Variants in CSPG4 observed in about 807,000 individuals in gnomAD.
CSPG4 encodes chondroitin sulfate proteoglycan 4 (melanoma-associated).
A neutral mutation model predicts 139.3 loss-of-function variants in CSPG4; 74 were observed. The observed-to-expected ratio is 0.53, with a 90% CI of 0.44 to 0.64. The LOEUF (loss-of-function observed/expected upper bound fraction) is 0.64. Among genes scored for constraint, CSPG4 ranks in the 30% least tolerant of loss-of-function variants. The probability of loss-of-function intolerance (pLI) is 0.00; values close to 1 mark genes in which losing one functional copy is unlikely to be tolerated. For synonymous variants in CSPG4, 1,234 were observed against 1,394.2 expected (o/e 0.89, Z 2.56); for missense variants, 2,565 against 3,148.3 (o/e 0.81, Z 4.43).
At chr15:75,693,844 C>T (rs1445006367) in intron 1 of CSPG4, among the ~76,000 whole-genome samples, 3 of 152,262 alleles carry the variant, frequency 2.0e-5, no homozygotes, top group Admixed American at 6.5e-5. Flanking sequence ...GCTTCTCTCT[C>T]AGGCCATTCT....
At chr15:75,707,150 T>C (rs1894384921) in intron 1 of CSPG4, among the ~76,000 whole-genome samples, 1 of 151,936 alleles carries the variant, frequency 6.6e-6, no homozygotes, top group Non-Finnish European at 1.5e-5. Flanking sequence ...AGAGACAGGG[T>C]TTCACCATGT....
rs1352436637 is a variant in CSPG4, at chr15:75,685,305, G to T, written c.4186C>A (p.Gln1396Lys). The change falls in exon 4 of 10, where the codon CAG becomes AAG. Residue 1396 changes from glutamine to lysine, a missense_variant. This residue lies in a region of CSPG4 where 2,316 missense variants were observed against 2,818.2 expected (regional missense o/e 0.82). Coordinates refer to ENST00000308508, the MANE Select transcript of CSPG4 (RefSeq NM_001897.5). Reference protein sequence around the residue: ...YFPTLLGLSLQVLEPPQHGAL... With the variant: ...YFPTLLGLSLKVLEPPQHGAL... The stretch of plus-strand genomic sequence containing the variant: ...CCATGCTGGGGTGGCTCCAGCACCT[G>T]CAGGCTGAGGCCCAGGAGAGTGGGG... 11 of 1,591,828 alleles carry T rather than the reference G, an allele frequency of 6.9e-6. No homozygotes were observed. The highest frequency in any genetic ancestry group is 8.6e-6 in the Non-Finnish European group (10 of 1,166,934).
intron 1 of CSPG4, among the ~76,000 whole-genome samples, chr15:75,705,714 G>T (rs939108213): frequency 1.3e-4 from 20 of 152,316 alleles, no homozygotes; most frequent in Admixed American, 2.6e-4. Context: ...GGACTCAGAG[G>T]AGGGAGAGAT....
chr15:75,694,782 C>T (rs371669227), intron 1 of CSPG4, among the ~76,000 whole-genome samples: 36 of 152,366 alleles, frequency 2.4e-4, no homozygotes, highest in African/African-American at 7.9e-4. Flanking sequence ...ACCATCTGCG[C>T]GGGGGCGGCC....
rs1375131366 is a variant in CSPG4, at chr15:75,676,247, T to C, written c.6272A>G (p.His2091Arg). The C allele has an allele frequency of 1.3e-6, 2 of 1,559,818 alleles. No homozygotes were observed. The highest frequency in any genetic ancestry group is 4.7e-5 in the East Asian group (2 of 42,258). ...TCGGGGCACGCGGACCACGCGGCCA[T>C]GCCGGGGTCCCTCCAGGAGGCGGAA... is the stretch of plus-strand genomic sequence containing the variant. The part of the protein sequence containing the change: ...PRFRLLEGPR[H>R]GRVVRVPRAR... The change falls in exon 10 of 10, where the codon CAT becomes CGT. Residue 2091 changes from histidine (H) to arginine (R), a missense_variant. Transcript: ENST00000308508.
At chr15:75,680,939 T>C (rs538731169) in intron 8 of CSPG4, among the ~76,000 whole-genome samples, 200 of 152,270 alleles carry the variant, frequency 1.3e-3, no homozygotes, top group Non-Finnish European at 2.3e-3. Context: ...CCCCCTGGTG[T>C]CCATTCAGTC....
intron 8 of CSPG4, 136 bp from the exon 9 acceptor site, chr15:75,678,022 CCTCA>C (rs1181999000): frequency 5.4e-6 from 4 of 737,720 alleles, no homozygotes; most frequent in East Asian, 3.1e-5. Flanking sequence ...CCGCTGTCTC[CCTCA>C]CTAACTCACT....
In CSPG4 at chr15:75,682,347, G is replaced by A. The variant is rs772495667; in HGVS notation, c.4896C>T (p.Phe1632=). 1.9e-6 allele frequency: 3 copies of A among 1,596,808 alleles called. No homozygotes were observed. The highest frequency in any genetic ancestry group is 1.1e-5 in the South Asian group (1 of 91,002). The change falls in exon 8 of 10, where the codon TTC becomes TTT. Residue 1632 remains phenylalanine, a synonymous_variant. Transcript: ENST00000308508. The part of the protein sequence containing the change: ...VVRGPQLGRL[F]HAQQDSTGEA... ...CCCCTGTGCTGTCCTGCTGGGCGTG[G>A]AACAGCCGGCCTAGCTGGGGGCCCC...
At chr15:75,678,568 G>A (rs1320262429) in intron 8 of CSPG4, 2 of 446,052 alleles carry the variant, frequency 4.5e-6, no homozygotes, top group Admixed American at 4.7e-5. Context: ...TGCCCAGGCT[G>A]GTCTTGAACT....
At chr15:75,692,435 A>G (rs1894177321) in intron 2 of CSPG4, among the ~76,000 whole-genome samples, 1 of 152,242 alleles carries the variant, frequency 6.6e-6, no homozygotes, top group South Asian at 2.1e-4. Context: ...CAAATTCGGA[A>G]TAAGACCCTG....
Position 75,674,460 on chromosome 15 carries a change from A to G in CSPG4, c.*1090T>C. On this transcript the variant is annotated 3_prime_UTR_variant, in exon 10 of 10. Transcript: ENST00000308508. ...CTGCCCACACAGGTGGGGGCACAGG[A>G]GGTCTGGGAGGCCCCAGGAGGTGGA... is the stretch of plus-strand genomic sequence containing the variant. The G allele has an allele frequency of 2.8e-6, 1 of 358,550 alleles. No homozygotes were observed. The highest frequency in any genetic ancestry group is 5.0e-6 in the Non-Finnish European group (1 of 200,468). The allele number at this position is 358,550 out of a possible 1,614,324, so 22.2% of individuals were successfully genotyped here.
upstream of CSPG4, among the ~76,000 whole-genome samples, chr15:75,713,070 G>C (rs1177532496): frequency 6.6e-6 from 1 of 152,226 alleles, no homozygotes; most frequent in Non-Finnish European, 1.5e-5. Flanking sequence ...AAGTCATAGA[G>C]AGGCCCAGAC....
intron 1 of CSPG4, among the ~76,000 whole-genome samples, chr15:75,695,815 G>C (rs549130455): frequency 6.6e-6 from 1 of 152,298 alleles, no homozygotes; most frequent in African/African-American, 2.4e-5. Context: ...GAGGACAGCA[G>C]CAAGGCCGAG....
chr15:75,710,174 C>A (rs909030357), intron 1 of CSPG4, among the ~76,000 whole-genome samples: 2 of 152,228 alleles, frequency 1.3e-5, no homozygotes, highest in Non-Finnish European at 2.9e-5. Context: ...TACTCCCCAA[C>A]CTGGGTCCCA....
At chr15:75,695,335 T>C (rs777855936) in intron 1 of CSPG4, among the ~76,000 whole-genome samples, 1 of 151,906 alleles carries the variant, frequency 6.6e-6, no homozygotes, top group Non-Finnish European at 1.5e-5. Flanking sequence ...CAGAGGAGAG[T>C]AGAGCCTGTT....
At chr15:75,683,946 C>T (rs1428535347) in intron 5 of CSPG4, among the ~76,000 whole-genome samples, 3 of 152,166 alleles carry the variant, frequency 2.0e-5, no homozygotes, top group African/African-American at 7.2e-5. Flanking sequence ...GCCTGTGGTT[C>T]CAGAGCACTG....
Position 75,689,696 on chromosome 15 carries a change from C to A in CSPG4, c.1369G>T (p.Asp457Tyr). ...LEWRHVQPTLDLMEAELRKSQ... is the reference protein window; with the variant it reads ...LEWRHVQPTLYLMEAELRKSQ... ...TTGCGCAGCTCAGCCTCCATCAGGT[C>A]CAGCGTGGGCTGCACATGCCTCCAC... is the stretch of plus-strand genomic sequence containing the variant. The change falls in exon 3 of 10, where the codon GAC (aspartate) becomes TAC (tyrosine). Residue 457 changes from aspartate (D) to tyrosine (Y), a missense_variant. Physicochemically the swap from Asp to Tyr is radical, Grantham distance 160. Around this residue, in one of 5 missense-constraint regions of CSPG4, gnomAD observed 2,316 missense variants for 2,818.2 expected, o/e 0.82. Transcript: ENST00000308508. 1 of 1,612,890 alleles carries A rather than the reference C, an allele frequency of 6.2e-7. No individual in the cohort carries two copies.
chr15:75,706,409 GTA>G lies in CSPG4; in HGVS notation c.88+6257_88+6258del, dbSNP rs1380738927. ...TGTGAGTGTGTATGTGTGAGTGTAT[GTA>G]TGTGTGTGTGAATGTGTATGTGTGT... On this transcript the variant is annotated intron_variant, in intron 1 of 9. Transcript: ENST00000308508. Among the ~76,000 whole-genome samples, 3 of 151,960 alleles carry G rather than the reference GTA, an allele frequency of 2.0e-5. No individual in the cohort carries two copies. The East Asian group carries it at 5.8e-4, about 29-fold the overall frequency.
chr15:75,693,600 C>T (rs936524311), intron 1 of CSPG4, among the ~76,000 whole-genome samples: 8 of 152,248 alleles, frequency 5.3e-5, no homozygotes, highest in South Asian at 4.1e-4. Context: ...TGGACCCAGC[C>T]CAAAGGGAAC....
Sources: allele counts gnomAD v4.1 joint callset (sites outside exome capture counted in the v4.1 genomes callset), GRCh38; gene constraint gnomAD v4.1.1; regional missense constraint gnomAD v4.1.1; transcripts MANE v1.5; gene names NCBI Gene and HGNC (gene_info 2026-07-23, HGNC 2026-07-21).